Variants in TBC1D22A observed in about 807,000 individuals in gnomAD.
TBC1D22A encodes the protein putative GTPase activator.
Under a neutral mutation model 60.2 loss-of-function variants are expected in TBC1D22A, and 38 were observed. The observed-to-expected ratio is 0.63, with a 90% CI of 0.49 to 0.83. The LOEUF is 0.83. Among genes scored for constraint, TBC1D22A ranks in the 40% least tolerant of loss-of-function variants. The pLI, the probability that TBC1D22A is intolerant of heterozygous loss-of-function variation, is 0.00. For missense variants in TBC1D22A, 628 were observed against 701.0 expected (o/e 0.90, Z 1.18); for synonymous variants, 302 against 281.7 (o/e 1.07, Z -0.72).
chr22:46,993,070 A>G (rs1396944463), intron 9 of TBC1D22A, among the ~76,000 whole-genome samples: 2 of 152,234 alleles, frequency 1.3e-5, no homozygotes, highest in African/African-American at 4.8e-5. Flanking sequence ...GCACTTTGTC[A>G]GAGAGGCAGG....
intron 11 of TBC1D22A, among the ~76,000 whole-genome samples, chr22:47,068,484 C>T (rs2063854519): frequency 6.6e-6 from 1 of 152,224 alleles, no homozygotes; most frequent in South Asian, 2.1e-4. Context: ...CGACTTGCAG[C>T]ACCACAGAGC....
At chr22:46,858,295 C>T (rs1358213191) in intron 4 of TBC1D22A, among the ~76,000 whole-genome samples, 4 of 152,200 alleles carry the variant, frequency 2.6e-5, no homozygotes, top group Non-Finnish European at 4.4e-5. Flanking sequence ...CTATTCACAT[C>T]CTTTGCCTAT....
intron 10 of TBC1D22A, among the ~76,000 whole-genome samples, chr22:47,014,772 G>A (rs1005088955): frequency 1.3e-5 from 2 of 152,186 alleles, no homozygotes; most frequent in African/African-American, 4.8e-5. Context: ...CAGGGCTCCA[G>A]CGCGGCCTGT....
At chr22:46,782,071 T>C (rs570261706) in intron 1 of TBC1D22A, among the ~76,000 whole-genome samples, 1 of 152,322 alleles carries the variant, frequency 6.6e-6, no homozygotes, top group African/African-American at 2.4e-5. Flanking sequence ...CTTATTATTA[T>C]TGAGATGGAG....
chr22:46,892,493 C>T (rs1024711772), intron 6 of TBC1D22A, among the ~76,000 whole-genome samples: 7 of 152,274 alleles, frequency 4.6e-5, no homozygotes, highest in South Asian at 2.1e-4. Flanking sequence ...GCCCCTGGCC[C>T]GTGTTGCCTT....
At chr22:47,034,621 C>T (rs752448204) in intron 10 of TBC1D22A, among the ~76,000 whole-genome samples, 2 of 152,210 alleles carry the variant, frequency 1.3e-5, no homozygotes, top group South Asian at 2.1e-4. Flanking sequence ...CCCTGTGCCC[C>T]GGCTGTCTCT....
At chr22:46,935,117 T>C (rs1270785111) in intron 8 of TBC1D22A, among the ~76,000 whole-genome samples, 1 of 152,126 alleles carries the variant, frequency 6.6e-6, no homozygotes, top group African/African-American at 2.4e-5. Context: ...GTCACTGATA[T>C]GACTCCCCAA....
intron 12 of TBC1D22A, among the ~76,000 whole-genome samples, chr22:47,120,692 C>T (rs2066241045): frequency 6.6e-6 from 1 of 152,238 alleles, no homozygotes; most frequent in South Asian, 2.1e-4. Flanking sequence ...CAAAATGGCC[C>T]TTGTAGGTTC....
In TBC1D22A at chr22:46,929,699, G is replaced by GGT. The variant is rs3084314; in HGVS notation, c.1015+17527_1015+17528dup. ...TGATTAGAAAGTCAGCAAAGACAAG[G>GGT]GTGTGTGTGTGTGTGTGCGTGTGCG... is the stretch of plus-strand genomic sequence containing the variant. On this transcript the variant is annotated intron_variant, in intron 8 of 12. Coordinates refer to ENST00000337137, the MANE Select transcript of TBC1D22A (RefSeq NM_014346.5). 1.3e-4 allele frequency among the ~76,000 whole-genome samples: 20 copies of GGT among 151,324 alleles called. No individual in the cohort carries two copies. The East Asian group carries it at 3.1e-3, about 24-fold the overall frequency.
intron 11 of TBC1D22A, among the ~76,000 whole-genome samples, chr22:47,097,344 G>A (rs971921657): frequency 1.1e-4 from 17 of 152,176 alleles, no homozygotes; most frequent in East Asian, 1.9e-4. Flanking sequence ...GGTTGGGCAC[G>A]GTGACTCATG....
chr22:46,868,887 G>A (rs2067176619), intron 4 of TBC1D22A, among the ~76,000 whole-genome samples: 1 of 152,056 alleles, frequency 6.6e-6, no homozygotes, highest in Non-Finnish European at 1.5e-5. Context: ...TTTTATCCTA[G>A]AGTTGTTCAT....
At chr22:47,089,819 T>C (rs545974767) in intron 11 of TBC1D22A, among the ~76,000 whole-genome samples, 2 of 152,232 alleles carry the variant, frequency 1.3e-5, no homozygotes, top group South Asian at 4.1e-4. Context: ...TTGTTCAAAT[T>C]GGTTCAATAA....
chr22:47,134,031 C>A (rs561791689), intron 12 of TBC1D22A, among the ~76,000 whole-genome samples: 13 of 152,280 alleles, frequency 8.5e-5, no homozygotes, highest in African/African-American at 2.9e-4. Context: ...CCAGAAGGTG[C>A]CCTGCCCATG....
intron 4 of TBC1D22A, among the ~76,000 whole-genome samples, chr22:46,819,115 A>T (rs1321900638): frequency 6.6e-6 from 1 of 152,220 alleles, no homozygotes; most frequent in Admixed American, 6.5e-5. Context: ...GTTGCTTATC[A>T]GTTTCAGAAG....
At chr22:46,983,400 TGTAA>T (rs1161142529) in intron 9 of TBC1D22A, among the ~76,000 whole-genome samples, 8 of 152,374 alleles carry the variant, frequency 5.3e-5, no homozygotes, top group Non-Finnish European at 1.0e-4. Flanking sequence ...TAGCTTTGAT[TGTAA>T]GTACTTTTAA....
intron 4 of TBC1D22A, among the ~76,000 whole-genome samples, chr22:46,853,179 C>T (rs1231026406): frequency 6.6e-6 from 1 of 152,168 alleles, no homozygotes; most frequent in African/African-American, 2.4e-5. Flanking sequence ...TTGCCCCTCT[C>T]TGCCTTCATC....
intron 4 of TBC1D22A, among the ~76,000 whole-genome samples, chr22:46,807,626 G>T (rs2085204798): frequency 6.6e-6 from 1 of 152,184 alleles, no homozygotes; most frequent in Non-Finnish European, 1.5e-5. Flanking sequence ...TCCATATGAT[G>T]AGTAGGGCGG....
intron 10 of TBC1D22A, among the ~76,000 whole-genome samples, chr22:47,010,926 ACT>A (rs1161534177): frequency 6.6e-6 from 1 of 152,128 alleles, no homozygotes; most frequent in East Asian, 1.9e-4. Context: ...TCGGTCCCTG[ACT>A]CTGGCCTTGG....
chr22:47,064,978 T>G (rs2063704734), intron 11 of TBC1D22A, among the ~76,000 whole-genome samples: 1 of 151,960 alleles, frequency 6.6e-6, no homozygotes, highest in Admixed American at 6.5e-5. Context: ...TTATTATTTA[T>G]TTTATTTTAT....
Sources: gnomAD v4.1 joint callset for allele counts (sites outside exome capture counted in the v4.1 genomes callset) on GRCh38, gnomAD v4.1.1 for gene constraint, MANE v1.5 for transcripts, NCBI Gene and HGNC (gene_info 2026-07-23, HGNC 2026-07-21) for gene names.